ZRSR2: variants seen among roughly 807,000 people sequenced by gnomAD.
ZRSR2 encodes zinc finger CCCH-type, RNA binding motif and serine/arginine rich 2, also known as U2 small nuclear ribonucleoprotein auxiliary factor 35 kDa subunit-related protein 2.
A neutral mutation model predicts 39.4 loss-of-function variants in ZRSR2; 3 were observed. The ratio of observed to expected loss-of-function variants is 0.08; its 90% CI spans 0.03 to 0.20. ZRSR2 has a LOEUF of 0.20. Among genes scored for constraint, ZRSR2 ranks in the 10% least tolerant of loss-of-function variants. The pLI is 1.00. For missense variants in ZRSR2, 256 were observed against 391.5 expected (o/e 0.65, Z 2.92); for synonymous variants, 137 against 136.0 (o/e 1.01, Z -0.05).
intron 6 of ZRSR2, among the ~76,000 whole-genome samples, chrX:15,808,912 C>T (rs1932839715): frequency 9.0e-6 from 1 of 111,355 alleles, no homozygotes; most frequent in East Asian, 2.8e-4. Context: ...TGAGCCACTG[C>T]ACCCGGCCTT....
chrX:15,808,152 T>G, intron 5 of ZRSR2, 81 bp from the exon 6 acceptor site: 1 of 860,652 alleles, frequency 1.2e-6, no homozygotes, highest in Non-Finnish European at 1.7e-6. Context: ...ATTGTTCCAC[T>G]TGAGATTCTT....
chrX:15,818,638 C>A lies in ZRSR2; in HGVS notation c.823C>A (p.Gln275Lys). ...HLRGNVYVQY[Q>K]SEEECQAALS... Reference sequence around the variant, plus strand: ...GAGGGGCAATGTATATGTTCAGTACCAGTCGTAAGTATTCTGCTTGTGGAT... The same window carrying A: ...GAGGGGCAATGTATATGTTCAGTACAAGTCGTAAGTATTCTGCTTGTGGAT... The change falls in exon 9 of 11, where the codon CAG becomes AAG. Residue 275 changes from glutamine (Q) to lysine (K), a missense_variant. This residue lies in a region of ZRSR2 where 58 missense variants were observed against 163.1 expected (regional missense o/e 0.36). Transcript: ENST00000307771. The A allele has an allele frequency of 8.3e-7, 1 of 1,199,463 alleles. No homozygotes were observed. The highest frequency in any genetic ancestry group is 1.1e-6 in the Non-Finnish European group (1 of 887,410).
At chrX:15,820,603 C>G (rs943625493) in intron 10 of ZRSR2, among the ~76,000 whole-genome samples, 1 of 112,125 alleles carries the variant, frequency 8.9e-6, no homozygotes, top group African/African-American at 3.2e-5. Context: ...TCTGACAAAT[C>G]AGGAAGCCTG....
In ZRSR2 at chrX:15,818,567, C is replaced by T; in HGVS notation, c.772-20C>T. The T allele has an allele frequency of 8.4e-7, 1 of 1,191,489 alleles. No homozygotes were observed. On this transcript the variant is annotated intron_variant, in intron 8 of 10. Coordinates refer to ENST00000307771, the MANE Select transcript of ZRSR2 (RefSeq NM_005089.4). The stretch of plus-strand genomic sequence containing the variant: ...TCTTTTCCTGAATTTTTTATGATAG[C>T]ATTCTTCATTGCTCCCTAGGTCAGC...
intron 9 of ZRSR2, 27 bp from the exon 10 acceptor site, chrX:15,820,180 G>C (rs2147290987): frequency 8.8e-7 from 1 of 1,133,336 alleles, no homozygotes; most frequent in East Asian, 3.0e-5. Flanking sequence ...TTACTGTAAA[G>C]CATATCATTT....
chrX:15,823,045 C>G lies in ZRSR2; in HGVS notation c.1252C>G (p.His418Asp), dbSNP rs1933153732. 1 of 1,210,248 alleles carries G rather than the reference C, an allele frequency of 8.3e-7. No homozygotes were observed. Residue 418 changes from histidine to aspartate, a missense_variant, in exon 11 of 11, where the codon CAC becomes GAC. By Grantham distance (81) the His-to-Asp change is moderately conservative (BLOSUM62 -1). Transcript: ENST00000307771. ...ACGCACATCAAAGAGTCGGGAGAGGCACAATTCACGAAGCAGAGGAAGAAA... is the reference window on the plus strand; with the variant it reads ...ACGCACATCAAAGAGTCGGGAGAGGGACAATTCACGAAGCAGAGGAAGAAA... ...HKRTSKSRER[H>D]NSRSRGRNRD...
rs748309021 is a variant in ZRSR2 at position 15,795,415 on chromosome X, A to G, written c.121+4402A>G. ...ATTAGAAACATTGTGTTTGGGGGCA[A>G]GTAGACCACTTTGACACCTTCAGTG... On this transcript the variant is annotated intron_variant, in intron 2 of 10. Transcript: ENST00000307771. Among the ~76,000 whole-genome samples the G allele has an allele frequency of 6.3e-5, 7 of 111,362 alleles. No homozygotes were observed. The South Asian group carries it at 2.3e-3, about 37-fold the overall frequency.
chrX:15,822,635 A>C, intron 10 of ZRSR2, 96 bp from the exon 11 acceptor site: 1 of 1,179,734 alleles, frequency 8.5e-7, no homozygotes, highest in Non-Finnish European at 1.1e-6. Context: ...TAGTTCTAGC[A>C]TATCCAAATA....
intron 7 of ZRSR2, among the ~76,000 whole-genome samples, chrX:15,815,318 C>T (rs914172211): frequency 1.8e-5 from 2 of 112,384 alleles, no homozygotes; most frequent in East Asian, 2.8e-4. Context: ...TTGTTTGAGA[C>T]GGAGTTTCGC....
In ZRSR2 at chrX:15,792,004, C is replaced by T. The variant is rs1194959787; in HGVS notation, c.121+991C>T. Among the ~76,000 whole-genome samples, 3 of 112,090 alleles carry T rather than the reference C, an allele frequency of 2.7e-5. No individual in the cohort carries two copies. In the Admixed American group the frequency reaches 2.8e-4, roughly 10 times the overall value. Reference sequence around the variant, plus strand: ...AAATTTTCGTAGAGACGGGATTTCACTGTGTTGCCTGGGCTGGTCTCGAAC... The same window carrying T: ...AAATTTTCGTAGAGACGGGATTTCATTGTGTTGCCTGGGCTGGTCTCGAAC... On this transcript the variant is annotated intron_variant, in intron 2 of 10. Transcript: ENST00000307771.
chrX:15,816,586 A>C (rs1246437242), intron 8 of ZRSR2, among the ~76,000 whole-genome samples: 3 of 111,888 alleles, frequency 2.7e-5, no homozygotes, highest in African/African-American at 9.8e-5. Context: ...GCCAGATGTA[A>C]TCTCTGCTGC....
intron 8 of ZRSR2, among the ~76,000 whole-genome samples, chrX:15,817,661 T>G (rs1205499205): frequency 9.0e-6 from 1 of 111,533 alleles, no homozygotes; most frequent in African/African-American, 3.3e-5. Flanking sequence ...AGAGAGCAGT[T>G]TGTCAATACC....
rs780755210 is a variant in ZRSR2 at position 15,790,952 on chromosome X, C to T, written c.60C>T (p.Ala20=). Residue 20 remains alanine, a synonymous_variant, in exon 2 of 11, where the codon GCC becomes GCT. Transcript: ENST00000307771. ...PEKPSHKKYR[A]ALKKEKRKKR... ...CTTCCAGCCACAAAAAGTACAGGGC[C>T]GCCCTGAAGAAGGAGAAACGAAAGA... is the stretch of plus-strand genomic sequence containing the variant. 2.5e-6 allele frequency: 3 copies of T among 1,210,837 alleles called. No homozygotes were observed. The highest frequency in any genetic ancestry group is 3.4e-6 in the Non-Finnish European group (3 of 894,973).
chrX:15,811,149 T>C (rs1373986566), intron 7 of ZRSR2, among the ~76,000 whole-genome samples: 1 of 110,849 alleles, frequency 9.0e-6, no homozygotes, highest in African/African-American at 3.3e-5. Context: ...GAAAGAGACT[T>C]TATTCCCTTT....
At chrX:15,800,614 G>A (rs896981943) in intron 3 of ZRSR2, among the ~76,000 whole-genome samples, 12 of 112,323 alleles carry the variant, frequency 1.1e-4, no homozygotes, top group Non-Finnish European at 2.3e-4. Context: ...AAGTGTAAAT[G>A]TACTTTACGT....
intron 5 of ZRSR2, among the ~76,000 whole-genome samples, chrX:15,807,782 G>A (rs998622590): frequency 2.7e-5 from 3 of 110,076 alleles, no homozygotes; most frequent in Admixed American, 1.9e-4. Context: ...GCTCATGCCT[G>A]TAATCCCAGC....
chrX:15,809,077 A>T, intron 6 of ZRSR2, 123 bp from the exon 7 acceptor site: 1 of 559,978 alleles, frequency 1.8e-6, no homozygotes, highest in Non-Finnish European at 3.1e-6. Flanking sequence ...GTTCCAACTT[A>T]AATGTTTGCA....
At chrX:15,800,275 C>T (rs1432647155) in intron 3 of ZRSR2, among the ~76,000 whole-genome samples, 1 of 104,927 alleles carries the variant, frequency 9.5e-6, no homozygotes, top group African/African-American at 3.5e-5. Context: ...CAATCTCCGC[C>T]TCCCGGGTTC....
Position 15,821,993 on chromosome X carries a change from C to A in ZRSR2, c.938-738C>A, listed in dbSNP as rs761982512. 3.7e-5 allele frequency among the ~76,000 whole-genome samples: 4 copies of A among 109,536 alleles called. No homozygotes were observed. In the East Asian group the frequency reaches 1.1e-3, roughly 31 times the overall value. The stretch of plus-strand genomic sequence containing the variant: ...ATAGACTCCTCTATGTTTAATAGGC[C>A]TTCTCTTTTTTTTTTGAGAGTGAGT... On this transcript the variant is annotated intron_variant, in intron 10 of 10. Transcript: ENST00000307771.
Sources: allele counts gnomAD v4.1 joint callset (sites outside exome capture counted in the v4.1 genomes callset), GRCh38; gene constraint gnomAD v4.1.1; regional missense constraint gnomAD v4.1.1; transcripts MANE v1.5; gene names NCBI Gene and HGNC (gene_info 2026-07-23, HGNC 2026-07-21).